The following FOXP4 variants were observed in gnomAD, a reference collection of about 807,000 sequenced individuals.
The protein encoded by FOXP4 is forkhead box protein P4.
Under a neutral mutation model 82.6 loss-of-function variants are expected in FOXP4, and 25 were observed. The observed-to-expected ratio is 0.30, with a 90% CI of 0.22 to 0.42. The LOEUF is 0.42. FOXP4 is among the 10% of genes least tolerant of loss of function. FOXP4 has a pLI of 1.00. For synonymous variants in FOXP4, 415 were observed against 388.2 expected (o/e 1.07, Z -0.81); for missense variants, 785 against 900.9 (o/e 0.87, Z 1.65).
chr6:41,568,970 G>A (rs1345323698), intron 2 of FOXP4, among the ~76,000 whole-genome samples: 1 of 152,180 alleles, frequency 6.6e-6, no homozygotes, highest in East Asian at 1.9e-4. Context: ...AGAGGCTGGG[G>A]GGTGACCTGG....
chr6:41,571,614 A>G (rs1215009743), intron 2 of FOXP4, among the ~76,000 whole-genome samples: 1 of 152,094 alleles, frequency 6.6e-6, no homozygotes, highest in African/African-American at 2.4e-5. Context: ...CTAATTTGAG[A>G]ATGCGCCGAT....
rs770662735 is a variant in FOXP4 at position 41,597,889 on chromosome 6, G to C, written c.1834G>C (p.Val612Leu). ...CAGCCACGATGACGTGGGTGCCCCC[G>C]TGGAGCCGCTGCCCAGCAACGGCAG... is the stretch of plus-strand genomic sequence containing the variant. ...PLSHDDVGAP[V>L]EPLPSNGSSS... is the part of the protein sequence containing the mutation. The change falls in exon 16 of 17, where the codon GTG (valine) becomes CTG (leucine). Residue 612 changes from valine to leucine, a missense_variant. Val to Leu is a conservative substitution (Grantham distance 32). This residue lies in a region of FOXP4 where 184 missense variants were observed against 187.3 expected (regional missense o/e 0.98). Transcript: ENST00000307972. 7 of 1,590,598 alleles carry C rather than the reference G, an allele frequency of 4.4e-6. No homozygotes were observed. In the South Asian group the frequency reaches 7.9e-5, roughly 18 times the overall value.
chr6:41,569,969 T>G (rs1295907003), intron 2 of FOXP4, among the ~76,000 whole-genome samples: 1 of 151,934 alleles, frequency 6.6e-6, no homozygotes, highest in African/African-American at 2.4e-5. Flanking sequence ...GGAGAGATTT[T>G]TCTTTCCTTT....
chr6:41,560,202 G>A (rs1331716933), intron 1 of FOXP4, among the ~76,000 whole-genome samples: 1 of 152,128 alleles, frequency 6.6e-6, no homozygotes, highest in Non-Finnish European at 1.5e-5. Flanking sequence ...GGAGACTGAG[G>A]AGGGAGGATC....
chr6:41,583,229 A>G (rs1032943955), intron 3 of FOXP4, among the ~76,000 whole-genome samples: 64 of 152,108 alleles, frequency 4.2e-4, no homozygotes, highest in African/African-American at 1.5e-3. Flanking sequence ...GGTGAGCGAG[A>G]GGTGTTGGGA....
At chr6:41,551,943 C>T (rs1362575399) in intron 1 of FOXP4, among the ~76,000 whole-genome samples, 1 of 152,144 alleles carries the variant, frequency 6.6e-6, no homozygotes, top group Non-Finnish European at 1.5e-5. Context: ...AGAAATAGAA[C>T]AAGGGCCGGA....
chr6:41,569,038 T>C (rs886776874), intron 2 of FOXP4, among the ~76,000 whole-genome samples: 1 of 152,154 alleles, frequency 6.6e-6, no homozygotes, highest in Non-Finnish European at 1.5e-5. Flanking sequence ...GCTGCCCCAT[T>C]TCAGCCCTCA....
At chr6:41,547,902 G>C (rs1256709640) in intron 1 of FOXP4, among the ~76,000 whole-genome samples, 1 of 152,208 alleles carries the variant, frequency 6.6e-6, no homozygotes, top group Non-Finnish European at 1.5e-5. Context: ...GGCTGCGTCA[G>C]AGCACAGCCA....
chr6:41,550,362 T>C (rs906981749), intron 1 of FOXP4, among the ~76,000 whole-genome samples: 1 of 152,240 alleles, frequency 6.6e-6, no homozygotes, highest in Non-Finnish European at 1.5e-5. Context: ...ATGGTAGTAC[T>C]GATCAAGGGA....
At chr6:41,553,137 G>A (rs189011281) in intron 1 of FOXP4, among the ~76,000 whole-genome samples, 28 of 152,192 alleles carry the variant, frequency 1.8e-4, no homozygotes, top group Admixed American at 7.2e-4. Flanking sequence ...TGTGGAGCTC[G>A]GGGCAGAGGA....
At position 41,580,321 on chromosome 6, in the gene FOXP4, G is replaced by A. The variant is rs370277364; in HGVS notation, c.300+2240G>A. The stretch of plus-strand genomic sequence containing the variant: ...AAACCCCCAACCTCAGGTGATCTGC[G>A]CGCCTCTGCCTCCCAAAGTGCTGGG... On this transcript the variant is annotated intron_variant, in intron 3 of 16. Coordinates refer to ENST00000307972, the MANE Select transcript of FOXP4 (RefSeq NM_001012426.2). Among the ~76,000 whole-genome samples the A allele has an allele frequency of 1.2e-4, 19 of 152,234 alleles. 1 individual carries two copies. Among genetic ancestry groups the A allele is most frequent in the East Asian group, 9.7e-4 (5 of 5,174 alleles).
Position 41,591,133 on chromosome 6 carries a change from G to A in FOXP4, c.1435-88G>A. ...CACAAAGTGAACTCGGGGCTAGGCA[G>A]AAGGGAGAGGTACTGGGGGAGGGAA... On this transcript the variant is annotated intron_variant, in intron 12 of 16. Transcript: ENST00000307972. This position sits in a 1 kb window ranked among gnomAD's most constrained non-coding sequence, Gnocchi z 4.2. 9.6e-7 allele frequency: 1 copy of A among 1,044,124 alleles called. No homozygotes were observed. The highest frequency in any genetic ancestry group is 1.5e-6 in the Non-Finnish European group (1 of 687,048). The allele number at this position is 1,044,124 out of a possible 1,614,324, so 64.7% of individuals were successfully genotyped here. A position where few individuals can be genotyped will look rare whatever the true frequency, so the allele number is the denominator to read the frequency against.
Position 41,587,457 on chromosome 6 carries a change from T to G in FOXP4, c.817T>G (p.Ser273Ala). The G allele has an allele frequency of 6.4e-7, 1 of 1,553,496 alleles. No individual in the cohort carries two copies. Among genetic ancestry groups the G allele is most frequent in the East Asian group, 2.3e-5 (1 of 44,320 alleles). ...TCCCCCCAAGGTCTCACCCCCCCTC[T>G]CCCACCATACCCTGCCCAACGGACA... is the stretch of plus-strand genomic sequence containing the variant. ...AAPPKVSPPL[S>A]HHTLPNGQPT... is the part of the protein sequence containing the mutation. Residue 273 changes from serine (S) to alanine (A), a missense_variant, in exon 7 of 17, where the codon TCC (serine) becomes GCC (alanine). By Grantham distance (99) the Ser-to-Ala change is moderately conservative. Around this residue, in one of 3 missense-constraint regions of FOXP4, gnomAD observed 570 missense variants for 634.0 expected, o/e 0.90. Coordinates refer to ENST00000307972, the MANE Select transcript of FOXP4 (RefSeq NM_001012426.2).
At chr6:41,562,008 T>C (rs1432244678) in intron 1 of FOXP4, among the ~76,000 whole-genome samples, 1 of 152,206 alleles carries the variant, frequency 6.6e-6, no homozygotes, top group Non-Finnish European at 1.5e-5. Flanking sequence ...GCCAGCACCC[T>C]TCCCCATCCT....
rs925862695 is a variant in FOXP4, at chr6:41,593,990, G to A, written c.1537-880G>A. Reference sequence around the variant, plus strand: ...GGATGGTGATAACTGGGAGCTGGCCGTGGGGGCAGCACAGCTGAGAGAGGA... The same window carrying A: ...GGATGGTGATAACTGGGAGCTGGCCATGGGGGCAGCACAGCTGAGAGAGGA... On this transcript the variant is annotated intron_variant, in intron 13 of 16. Coordinates refer to ENST00000307972, the MANE Select transcript of FOXP4 (RefSeq NM_001012426.2). This position sits in a 1 kb window ranked among gnomAD's most constrained non-coding sequence, Gnocchi z 4.1. Among the ~76,000 whole-genome samples, 2 of 152,158 alleles carry A rather than the reference G, an allele frequency of 1.3e-5. No individual in the cohort carries two copies. Among genetic ancestry groups the A allele is most frequent in the African/African-American group, 2.4e-5 (1 of 41,428 alleles).
intron 2 of FOXP4, chr6:41,570,308 A>G (rs1360316205): frequency 4.2e-6 from 2 of 470,976 alleles, no homozygotes; most frequent in African/African-American, 2.0e-5. Context: ...CGCACTCTCC[A>G]GAGGGGAGGC....
rs535006147 is a variant in FOXP4, at chr6:41,558,808, G to A, written c.-16-6937G>A. ...GAAGCATCCTGCAGTTACTTGTAGG[G>A]CCAGGGCTCGTTGCTCTGAAAAGCC... On this transcript the variant is annotated intron_variant, in intron 1 of 16. Coordinates refer to ENST00000307972, the MANE Select transcript of FOXP4 (RefSeq NM_001012426.2). This position sits in a 1 kb window ranked among gnomAD's most constrained non-coding sequence, Gnocchi z 4.0. Among the ~76,000 whole-genome samples, 2 of 152,284 alleles carry A rather than the reference G, an allele frequency of 1.3e-5. No individual in the cohort carries two copies. The highest frequency in any genetic ancestry group is 4.2e-4 in the South Asian group (2 of 4,810).
rs1763612768 is a variant in FOXP4 at position 41,546,383 on chromosome 6, T to C, written c.-501T>C. On this transcript the variant is annotated 5_prime_UTR_variant, in exon 1 of 17. Coordinates refer to ENST00000307972, the MANE Select transcript of FOXP4 (RefSeq NM_001012426.2). ...CCGCGCGCCGCCCGCTCGCAGCCAC[T>C]CGCAGCCCAGGCTCAGTCGCAGCCC... The C allele has an allele frequency of 1.3e-5, 2 of 150,074 alleles. No homozygotes were observed. The highest frequency in any genetic ancestry group is 3.0e-5 in the Non-Finnish European group (2 of 67,216). The allele number at this position is 150,074 out of a possible 1,614,324, so 9.3% of individuals were successfully genotyped here.
chr6:41,570,539 G>A (rs1382158728), intron 2 of FOXP4: 2 of 375,378 alleles, frequency 5.3e-6, no homozygotes, highest in Admixed American at 3.1e-5. Context: ...ATTCCCCTAG[G>A]AGGGCAGAGG....
Sources: allele counts gnomAD v4.1 joint callset (sites outside exome capture counted in the v4.1 genomes callset), GRCh38; gene constraint gnomAD v4.1.1; regional missense constraint gnomAD v4.1.1; non-coding constraint Gnocchi (gnomAD v3.1); transcripts MANE v1.5; gene names NCBI Gene and HGNC (gene_info 2026-07-23, HGNC 2026-07-21).